Variants in PRH1 observed in about 807,000 individuals in gnomAD.
PRH1 encodes the protein salivary acidic proline-rich phosphoprotein 1/2.
Under a neutral mutation model 7.9 loss-of-function variants are expected in PRH1, and 7 were observed. That is an observed-to-expected ratio of 0.89 (90% CI 0.50 to 1.67). PRH1 has a LOEUF of 1.67. Ranked by LOEUF, PRH1 falls within the 40% of genes most tolerant of loss-of-function variation. The probability of loss-of-function intolerance (pLI) is 0.00; values close to 1 mark genes in which losing one functional copy is unlikely to be tolerated. For missense variants in PRH1, 109 were observed against 223.6 expected, an observed-to-expected ratio of 0.49 and a Z score of 3.27; for synonymous variants, 45 against 80.8, an observed-to-expected ratio of 0.56 and a Z score of 2.38.
At chr12:10,959,944 GAAC>G (rs1938157944) in intron 2 of PRH1, among the ~76,000 whole-genome samples, 1 of 152,122 alleles carries the variant, frequency 6.6e-6, no homozygotes, top group Non-Finnish European at 1.5e-5. Flanking sequence ...GGTGCCCAGT[GAAC>G]AACAATAAAA....
At chr12:11,041,760 T>C (rs1041834749) in intron 1 of PRH1, among the ~76,000 whole-genome samples, 2 of 152,114 alleles carry the variant, frequency 1.3e-5, no homozygotes, top group Non-Finnish European at 2.9e-5. Flanking sequence ...TCCAAAAAAC[T>C]GAAATATTGC....
chr12:11,006,810 T>C (rs958005602), intron 1 of PRH1, among the ~76,000 whole-genome samples: 4 of 152,140 alleles, frequency 2.6e-5, no homozygotes, highest in Non-Finnish European at 5.9e-5. Context: ...TGCTAATGGA[T>C]GAGTTCAATG....
rs187668322 is a variant in PRH1, at chr12:10,999,824, G to A, written c.-125-26103C>T. On this transcript the variant is annotated intron_variant, in intron 1 of 3. Coordinates refer to the PRH1 transcript ENST00000539853. ...ACTGTGTATAGGTGCAGTCCTGTGT[G>A]TTCTTCTTGTTCATGGCTTCTTGCA... 1.3e-4 allele frequency among the ~76,000 whole-genome samples: 20 copies of A among 152,152 alleles called. No individual in the cohort carries two copies. In the East Asian group the frequency reaches 3.7e-3, roughly 28 times the overall value.
downstream of PRH1, among the ~76,000 whole-genome samples, chr12:11,119,275 T>C (rs1227094278): frequency 7.4e-5 from 11 of 149,658 alleles, no homozygotes; most frequent in Admixed American, 7.4e-4. Context: ...CTAGGAAAGG[T>C]AGTGGGGGCT....
chr12:11,067,368 C>T (rs1276771922), intron 1 of PRH1, among the ~76,000 whole-genome samples: 6 of 152,252 alleles, frequency 3.9e-5, no homozygotes, highest in African/African-American at 9.6e-5. Flanking sequence ...ATTTAACCTC[C>T]ATCATACTAT....
rs1217217737 is a variant in PRH1 at position 11,022,103 on chromosome 12, C to T, written c.-126+24917G>A. 3.1e-6 allele frequency: 5 copies of T among 1,613,890 alleles called. No homozygotes were observed. In the African/African-American group the frequency reaches 6.7e-5, roughly 22 times the overall value. Reference sequence around the variant, plus strand: ...TTCCAAGTCACATTTCCTTCATATTCTTTTGTCCACACTCTCTCATCCATG... The same window carrying T: ...TTCCAAGTCACATTTCCTTCATATTTTTTTGTCCACACTCTCTCATCCATG... On this transcript the variant is annotated intron_variant, in intron 1 of 3. Transcript: ENST00000539853.
intron 2 of PRH1, among the ~76,000 whole-genome samples, chr12:10,905,690 A>G (rs1949793034): frequency 6.6e-6 from 1 of 152,006 alleles, no homozygotes; most frequent in South Asian, 2.1e-4. Flanking sequence ...GGATTAGACC[A>G]AAAAAGTGTG....
At chr12:11,033,945 C>T (rs1448919891) in intron 1 of PRH1, among the ~76,000 whole-genome samples, 3 of 151,822 alleles carry the variant, frequency 2.0e-5, no homozygotes, top group Admixed American at 1.3e-4. Context: ...AGGCTAGATC[C>T]ACCTCCATTC....
At chr12:11,016,951 T>A (rs1354677079) in intron 1 of PRH1, among the ~76,000 whole-genome samples, 4 of 152,210 alleles carry the variant, frequency 2.6e-5, no homozygotes, top group African/African-American at 9.6e-5. Flanking sequence ...ATGGTAGTCT[T>A]TTTATATGCC....
rs1412460074 is a variant in PRH1, at chr12:10,909,209, G to A, written c.-58-24934C>T. On this transcript the variant is annotated intron_variant, in intron 2 of 3. Transcript: ENST00000539853. ...TTTTACTGACCCAGTCAATGCAGTT[G>A]ATCAGTACTATAAATCCATTGCTCA... 5 of 1,613,510 alleles carry A rather than the reference G, an allele frequency of 3.1e-6. No homozygotes were observed. The Admixed American group carries it at 8.3e-5, about 27-fold the overall frequency.
intron 1 of PRH1, among the ~76,000 whole-genome samples, chr12:11,163,031 G>A (rs1302559470): frequency 6.6e-6 from 1 of 152,166 alleles, no homozygotes; most frequent in Non-Finnish European, 1.5e-5. Context: ...AGAACAATGT[G>A]TGTAGTATGT....
chr12:10,972,557 T>C (rs1300953629), intron 2 of PRH1, among the ~76,000 whole-genome samples: 1 of 152,226 alleles, frequency 6.6e-6, no homozygotes, highest in African/African-American at 2.4e-5. Context: ...AGCTGATTTT[T>C]CACTTGCAAG....
intron 1 of PRH1, among the ~76,000 whole-genome samples, chr12:11,161,718 C>G (rs1197312405): frequency 1.3e-5 from 2 of 151,630 alleles, no homozygotes; most frequent in Admixed American, 1.3e-4. Context: ...ATAAGTGAGA[C>G]TGAAAAAAAA....
At position 11,155,705 on chromosome 12, in the gene PRH1, A is replaced by G. The variant is rs1480423976; in HGVS notation, n.39+15717T>C. Among the ~76,000 whole-genome samples, 4 of 151,986 alleles carry G rather than the reference A, an allele frequency of 2.6e-5. 1 individual carries two copies. Among genetic ancestry groups the G allele is most frequent in the South Asian group, 4.1e-4 (2 of 4,832 alleles). ...GTGGTTCATTGCTTTCAATTTCTCTATATTGTTCCATTATATGAATTTGCT... is the reference window on the plus strand; with the variant it reads ...GTGGTTCATTGCTTTCAATTTCTCTGTATTGTTCCATTATATGAATTTGCT... On this transcript the variant is annotated intron_variant and non_coding_transcript_variant, in intron 1 of 1. Transcript: ENST00000541175.
chr12:11,118,402 T>C (rs903835611), downstream of PRH1, among the ~76,000 whole-genome samples: 1 of 152,170 alleles, frequency 6.6e-6, no homozygotes, highest in Non-Finnish European at 1.5e-5. Context: ...ACAGCTTATA[T>C]ACAAAAGACA....
At chr12:10,909,375 G>A in intron 2 of PRH1, 1 of 992,998 alleles carries the variant, frequency 1.0e-6, no homozygotes, top group African/African-American at 1.6e-5. Context: ...ACATCCTTGA[G>A]TGTCCAGTGG....
At chr12:10,921,141 A>G (rs1350051009) in intron 2 of PRH1, among the ~76,000 whole-genome samples, 1 of 151,702 alleles carries the variant, frequency 6.6e-6, no homozygotes, top group Non-Finnish European at 1.5e-5. Flanking sequence ...CCTTCTCATT[A>G]TTTGCTGTCC....
intron 1 of PRH1, chr12:11,078,171 A>T: frequency 1.9e-6 from 1 of 532,356 alleles, no homozygotes; most frequent in Admixed American, 2.7e-5. Flanking sequence ...CTATGAAGCC[A>T]TTGGAAAAAT....
At chr12:10,900,871 C>G (rs573875294) in intron 2 of PRH1, among the ~76,000 whole-genome samples, 18 of 152,270 alleles carry the variant, frequency 1.2e-4, no homozygotes, top group Admixed American at 3.9e-4. Context: ...TTTGGAGCAC[C>G]TGCTAGCAAG....
Sources: gnomAD v4.1 joint callset for allele counts (sites outside exome capture counted in the v4.1 genomes callset) on GRCh38, gnomAD v4.1.1 for gene constraint, MANE v1.5 for transcripts, NCBI Gene and HGNC (gene_info 2026-07-23, HGNC 2026-07-21) for gene names.